The following BTBD9 variants were observed in gnomAD, a reference collection of about 807,000 sequenced individuals.
The protein encoded by BTBD9 is BTB/POZ domain-containing protein 9.
A neutral mutation model predicts 64.3 loss-of-function variants in BTBD9; 49 were observed. The observed-to-expected ratio is 0.76, with a 90% CI of 0.61 to 0.97. The LOEUF (loss-of-function observed/expected upper bound fraction) is 0.97. Among genes scored for constraint, BTBD9 ranks in the 50% least tolerant of loss-of-function variants. BTBD9 has a pLI of 0.00. For synonymous variants in BTBD9, 260 were observed against 274.7 expected, an observed-to-expected ratio of 0.95 and a Z score of 0.53; for missense variants, 598 against 762.1, an observed-to-expected ratio of 0.78 and a Z score of 2.53.
chr6:38,457,575 T>C (rs1179172939), intron 6 of BTBD9, among the ~76,000 whole-genome samples: 1 of 151,950 alleles, frequency 6.6e-6, no homozygotes, highest in African/African-American at 2.4e-5. Context: ...GGATGGAGAA[T>C]AACTGATTGG....
intron 9 of BTBD9, among the ~76,000 whole-genome samples, chr6:38,235,369 G>T (rs1763741939): frequency 6.6e-6 from 1 of 152,180 alleles, no homozygotes; most frequent in Non-Finnish European, 1.5e-5. Context: ...CCAAGGGCTG[G>T]TCACATTTCC....
intron 9 of BTBD9, among the ~76,000 whole-genome samples, chr6:38,201,435 A>T (rs1368406782): frequency 6.6e-6 from 1 of 152,198 alleles, no homozygotes; most frequent in Non-Finnish European, 1.5e-5. Flanking sequence ...CCATATAAGG[A>T]TATACCTCAA....
At chr6:38,615,091 T>C (rs908229626) in intron 1 of BTBD9, among the ~76,000 whole-genome samples, 1 of 152,234 alleles carries the variant, frequency 6.6e-6, no homozygotes, top group Admixed American at 6.5e-5. Flanking sequence ...TGCTCCCTTA[T>C]GCCACAGGGC....
chr6:38,256,288 G>A, intron 9 of BTBD9, 121 bp downstream of exon 9: 2 of 689,030 alleles, frequency 2.9e-6, no homozygotes. Flanking sequence ...ACTGGAGTGT[G>A]TTTTCCACCT....
chr6:38,308,852 A>G (rs1762723395), intron 7 of BTBD9, among the ~76,000 whole-genome samples: 1 of 151,762 alleles, frequency 6.6e-6, no homozygotes, highest in South Asian at 2.1e-4. Flanking sequence ...CAAACTCCTG[A>G]GCTCAAGCAT....
intron 4 of BTBD9, 48 bp from the exon 5 acceptor site, chr6:38,580,485 CTGTATTTTTTG>C: frequency 1.3e-6 from 2 of 1,492,322 alleles, no homozygotes; most frequent in Admixed American, 1.8e-5. Context: ...CTTATTTATT[CTGTATTTTTTG>C]AAAAAAATAC....
chr6:38,326,458 C>T (rs534175070), intron 7 of BTBD9, among the ~76,000 whole-genome samples: 3 of 151,754 alleles, frequency 2.0e-5, no homozygotes, highest in African/African-American at 7.3e-5. Flanking sequence ...CTGGGGGGAG[C>T]GTGGAGAACA....
chr6:38,604,892 T>C (rs911934326), intron 1 of BTBD9, among the ~76,000 whole-genome samples: 2 of 152,158 alleles, frequency 1.3e-5, no homozygotes, highest in Admixed American at 6.5e-5. Flanking sequence ...ATTTTAGACA[T>C]GAGGTCATGC....
chr6:38,438,530 T>A (rs1170430568), intron 6 of BTBD9, among the ~76,000 whole-genome samples: 1 of 152,198 alleles, frequency 6.6e-6, no homozygotes, highest in African/African-American at 2.4e-5. Context: ...TATCTCCTGT[T>A]TCTACCAACA....
At chr6:38,192,419 C>A (rs572557780) in intron 10 of BTBD9, 100 bp downstream of exon 10, 37 of 1,065,266 alleles carry the variant, frequency 3.5e-5, no homozygotes, top group Non-Finnish European at 5.1e-5. Context: ...AATAGCAGGC[C>A]ATTAGCAGGC....
At chr6:38,177,627 C>A (rs1761334927) in intron 10 of BTBD9, among the ~76,000 whole-genome samples, 1 of 152,224 alleles carries the variant, frequency 6.6e-6, no homozygotes, top group Non-Finnish European at 1.5e-5. Flanking sequence ...CCGCACTGCG[C>A]TGGTAAGAGC....
intron 6 of BTBD9, among the ~76,000 whole-genome samples, chr6:38,408,520 C>T (rs149668296): frequency 1.3e-4 from 20 of 152,258 alleles, no homozygotes; most frequent in African/African-American, 4.3e-4. Context: ...TTCCTTTGCT[C>T]GGGTTGAAAT....
intron 7 of BTBD9, among the ~76,000 whole-genome samples, chr6:38,309,000 A>T (rs1762729674): frequency 6.6e-6 from 1 of 151,954 alleles, no homozygotes; most frequent in South Asian, 2.1e-4. Flanking sequence ...CAAGTCAGAG[A>T]TGTCACCACA....
intron 6 of BTBD9, among the ~76,000 whole-genome samples, chr6:38,504,780 G>A (rs1772387764): frequency 6.6e-6 from 1 of 152,146 alleles, no homozygotes; most frequent in Non-Finnish European, 1.5e-5. Flanking sequence ...TGAAAACAAA[G>A]GGAATGTTCA....
intron 6 of BTBD9, among the ~76,000 whole-genome samples, chr6:38,471,484 G>A (rs563949136): frequency 2.6e-5 from 4 of 152,252 alleles, no homozygotes; most frequent in South Asian, 4.2e-4. Context: ...TGAAAGGCAG[G>A]TTTAGAGCTC....
At chr6:38,309,151 C>A (rs1416896845) in intron 7 of BTBD9, among the ~76,000 whole-genome samples, 1 of 151,598 alleles carries the variant, frequency 6.6e-6, no homozygotes. Context: ...AGGTGGATCA[C>A]CTGAGGTCAG....
At chr6:38,531,577 AC>A (rs2127430002) in intron 6 of BTBD9, among the ~76,000 whole-genome samples, 1 of 152,382 alleles carries the variant, frequency 6.6e-6, no homozygotes, top group South Asian at 2.1e-4. Context: ...TATGTAAACT[AC>A]TTACATCTTA....
At chr6:38,344,884 C>T in intron 7 of BTBD9, 100 bp downstream of exon 7, 1 of 674,670 alleles carries the variant, frequency 1.5e-6, no homozygotes, top group South Asian at 3.4e-5. Flanking sequence ...TTAAATCAAC[C>T]AGAGTCCTTA....
At chr6:38,459,795 C>T (rs1403132797) in intron 6 of BTBD9, among the ~76,000 whole-genome samples, 3 of 152,176 alleles carry the variant, frequency 2.0e-5, no homozygotes, top group Non-Finnish European at 4.4e-5. Context: ...CACACAGGTA[C>T]ATTTAATTTG....
Sources: gnomAD v4.1 joint callset for allele counts (sites outside exome capture counted in the v4.1 genomes callset) on GRCh38, gnomAD v4.1.1 for gene constraint, MANE v1.5 for transcripts, NCBI Gene and HGNC (gene_info 2026-07-23, HGNC 2026-07-21) for gene names.